RMST: variants seen among roughly 807,000 people sequenced by gnomAD.
The protein encoded by RMST is long intergenic non-protein coding RNA 54.
Position 97,490,826 on chromosome 12 carries a change from T to C in RMST, n.645-1635T>C, listed in dbSNP as rs962533462. 3.9e-5 allele frequency among the ~76,000 whole-genome samples: 6 copies of C among 152,184 alleles called. No individual in the cohort carries two copies. In the East Asian group the frequency reaches 9.6e-4, roughly 24 times the overall value. On this transcript the variant is annotated intron_variant and non_coding_transcript_variant, in intron 5 of 13. Transcript: ENST00000640149. ...GATGTTGTCATGACTCCATCTGAAGTTGGAAGTTTGCACCCAGCGAAAGGG... is the reference window on the plus strand; with the variant it reads ...GATGTTGTCATGACTCCATCTGAAGCTGGAAGTTTGCACCCAGCGAAAGGG...
intron 10 of RMST, among the ~76,000 whole-genome samples, chr12:97,501,781 C>T (rs1333564421): frequency 6.6e-6 from 1 of 152,142 alleles, no homozygotes; most frequent in African/African-American, 2.4e-5. Flanking sequence ...TACCTGTCTC[C>T]ACCTGTCGAG....
At chr12:97,562,871 A>G (rs1421019047) in intron 13 of RMST, among the ~76,000 whole-genome samples, 1 of 152,138 alleles carries the variant, frequency 6.6e-6, no homozygotes, top group East Asian at 1.9e-4. Flanking sequence ...CTAAGGAGGA[A>G]CTCAAGTTCT....
intron 5 of RMST, among the ~76,000 whole-genome samples, chr12:97,475,314 G>T (rs1874409811): frequency 6.6e-6 from 1 of 152,124 alleles, no homozygotes; most frequent in Non-Finnish European, 1.5e-5. Flanking sequence ...TTCAAGAGAG[G>T]GTGATTGGAA....
At chr12:97,486,878 A>G (rs949823036) in intron 5 of RMST, among the ~76,000 whole-genome samples, 4 of 152,220 alleles carry the variant, frequency 2.6e-5, no homozygotes, top group Admixed American at 1.3e-4. Context: ...CAAAATGACA[A>G]GATCAAGCTT....
intron 11 of RMST, among the ~76,000 whole-genome samples, chr12:97,555,003 G>T (rs1270159216): frequency 6.6e-6 from 1 of 152,100 alleles, no homozygotes; most frequent in African/African-American, 2.4e-5. Flanking sequence ...AAATAGGCTT[G>T]TATTTGTCTC....
chr12:97,563,308 T>C (rs1884270986), intron 13 of RMST: 2 of 163,088 alleles, frequency 1.2e-5, no homozygotes, highest in African/African-American at 4.8e-5. Context: ...TTTTGTTATT[T>C]AGGTGTAGAG....
At chr12:97,491,578 G>A (rs940963686) in intron 5 of RMST, 2 of 188,874 alleles carry the variant, frequency 1.1e-5, no homozygotes, top group East Asian at 1.0e-4. Context: ...AGCATTGCGA[G>A]CTTAACCTGG....
intron 11 of RMST, among the ~76,000 whole-genome samples, chr12:97,547,596 G>C (rs986098032): frequency 6.6e-6 from 1 of 152,016 alleles, no homozygotes; most frequent in Non-Finnish European, 1.5e-5. Flanking sequence ...ATAACAAGTT[G>C]AGGTGATATC....
rs547941245 is a variant in RMST at position 97,512,846 on chromosome 12, C to T, written n.1340+16790C>T. On this transcript the variant is annotated intron_variant and non_coding_transcript_variant, in intron 10 of 13. Transcript: ENST00000640149. ...CGCAGTGGAGCAGGGGGCGGCGTGT[C>T]GGGGAGGCTCCGGGCTGCACAGGAG... Among the ~76,000 whole-genome samples the T allele has an allele frequency of 1.1e-4, 17 of 151,890 alleles. No homozygotes were observed. The South Asian group carries it at 1.7e-3, about 15-fold the overall frequency.
At chr12:97,511,180 G>A (rs982271447) in intron 10 of RMST, among the ~76,000 whole-genome samples, 19 of 146,604 alleles carry the variant, frequency 1.3e-4, no homozygotes, top group Admixed American at 4.8e-4. Context: ...ATGGCGTCTC[G>A]CTCTGTCGCC....
At chr12:97,526,049 G>A (rs976466623) in intron 10 of RMST, among the ~76,000 whole-genome samples, 1 of 151,868 alleles carries the variant, frequency 6.6e-6, no homozygotes. Flanking sequence ...CTAGTTGCAG[G>A]AAAACAAGCT....
chr12:97,463,336 T>A (rs185718061), intron 4 of RMST: 1 of 152,344 alleles, frequency 6.6e-6, no homozygotes, highest in African/African-American at 2.4e-5. Context: ...GCACTTTGTG[T>A]CTGCAACATT....
intron 13 of RMST, chr12:97,563,358 C>T (rs1302945338): frequency 5.1e-6 from 1 of 194,812 alleles, no homozygotes; most frequent in Non-Finnish European, 1.0e-5. Context: ...TACTAAGATC[C>T]CGACTCCCCA....
exon 13 of RMST, chr12:97,560,837 G>A (rs1884060490): frequency 6.6e-6 from 1 of 152,214 alleles, no homozygotes; most frequent in African/African-American, 2.4e-5. Flanking sequence ...CAGTGGTCCA[G>A]TAATGAATTA....
At chr12:97,554,562 A>G (rs933292943) in intron 11 of RMST, among the ~76,000 whole-genome samples, 12 of 152,192 alleles carry the variant, frequency 7.9e-5, no homozygotes, top group Non-Finnish European at 1.8e-4. Context: ...GTAACCCAAA[A>G]GGTGAAAATT....
At chr12:97,499,624 C>CT (rs1264368879) in intron 10 of RMST, among the ~76,000 whole-genome samples, 11 of 146,742 alleles carry the variant, frequency 7.5e-5, no homozygotes, top group South Asian at 2.2e-4. Context: ...TCTTCTTTTT[C>CT]TTTTTTTTTC....
chr12:97,463,017 G>GTCTCCCTCTC, intron 3 of RMST: 1 of 129,996 alleles, frequency 7.7e-6, no homozygotes, highest in Admixed American at 8.1e-5. Context: ...CAAGTCAGCA[G>GTCTCCCTCTC]TCTCTCTCTC....
chr12:97,548,143 A>G (rs1389440756), intron 11 of RMST, among the ~76,000 whole-genome samples: 4 of 152,114 alleles, frequency 2.6e-5, no homozygotes, highest in Non-Finnish European at 4.4e-5. Context: ...CATTTCTTAA[A>G]GAGACTGTTC....
intron 11 of RMST, among the ~76,000 whole-genome samples, chr12:97,558,207 C>A (rs1292459167): frequency 1.3e-5 from 2 of 152,166 alleles, no homozygotes; most frequent in Non-Finnish European, 2.9e-5. Context: ...TCTTGGTCAA[C>A]AAGTACAGCT....
Sources: gnomAD v4.1 joint callset for allele counts (sites outside exome capture counted in the v4.1 genomes callset) on GRCh38, gnomAD v4.1.1 for gene constraint, MANE v1.5 for transcripts, NCBI Gene and HGNC (gene_info 2026-07-23, HGNC 2026-07-21) for gene names.